The following FRMD6 variants were observed in gnomAD, a reference collection of about 807,000 sequenced individuals.
FRMD6 encodes the protein FERM domain-containing protein 6.
Under a neutral mutation model 73.2 loss-of-function variants are expected in FRMD6, and 37 were observed. The ratio of observed to expected loss-of-function variants is 0.51; its 90% CI spans 0.39 to 0.66. The LOEUF is 0.66. Ranked by LOEUF, FRMD6 falls within the 30% of genes least tolerant of loss-of-function variation. FRMD6 has a pLI of 0.00. For synonymous variants in FRMD6, 273 were observed against 282.2 expected (o/e 0.97, Z 0.33); for missense variants, 714 against 780.5 (o/e 0.91, Z 1.02).
At chr14:51,606,048 T>A (rs548181015) in intron 2 of FRMD6, among the ~76,000 whole-genome samples, 1 of 152,304 alleles carries the variant, frequency 6.6e-6, no homozygotes, top group East Asian at 1.9e-4. Context: ...AGAGAAAGTG[T>A]GTTCTCTCCA....
At chr14:51,683,552 G>C (rs1377089559) in intron 1 of FRMD6, among the ~76,000 whole-genome samples, 1 of 151,962 alleles carries the variant, frequency 6.6e-6, no homozygotes, top group Admixed American at 6.6e-5. Context: ...GCCTCTCAAG[G>C]TGCTGGGATT....
chr14:51,612,070 T>C (rs1340274344), intron 2 of FRMD6, among the ~76,000 whole-genome samples: 5 of 152,238 alleles, frequency 3.3e-5, no homozygotes, highest in African/African-American at 1.2e-4. Context: ...AGTTTTCTAG[T>C]ATTCCATAAT....
chr14:51,396,851 A>T, the FRMD6 span: 1 of 152,200 alleles, frequency 6.6e-6, no homozygotes, highest in South Asian at 2.1e-4. Flanking sequence ...TAGCCAGAAC[A>T]ACCTCCTTTT....
chr14:51,567,738 G>A (rs1015114065), intron 1 of FRMD6, among the ~76,000 whole-genome samples: 2 of 152,216 alleles, frequency 1.3e-5, no homozygotes, highest in African/African-American at 4.8e-5. Flanking sequence ...ACATCTGTAA[G>A]GTCTGTACTG....
chr14:51,612,364 TATC>T (rs1432087070), intron 2 of FRMD6, among the ~76,000 whole-genome samples: 1 of 152,222 alleles, frequency 6.6e-6, no homozygotes, highest in Non-Finnish European at 1.5e-5. Flanking sequence ...GTACAAAATA[TATC>T]ATCATTGCTT....
intron 1 of FRMD6, among the ~76,000 whole-genome samples, chr14:51,517,030 A>C (rs1160915769): frequency 6.6e-6 from 1 of 152,196 alleles, no homozygotes; most frequent in Non-Finnish European, 1.5e-5. Context: ...TGTCATTTTC[A>C]ATTCCCTTTA....
At chr14:51,648,595 T>C (rs192945817), upstream of FRMD6, among the ~76,000 whole-genome samples, 147 of 152,342 alleles carry the variant, frequency 9.6e-4, no homozygotes, top group Non-Finnish European at 1.2e-3. Flanking sequence ...TATCCTTCCC[T>C]TCTCAGTTCA....
At position 51,720,446 on chromosome 14, in the gene FRMD6, A is replaced by G. The variant is rs111798496; in HGVS notation, c.1360+56A>G. On this transcript the variant is annotated intron_variant, in intron 11 of 13. Coordinates refer to ENST00000344768, the MANE Select transcript of FRMD6 (RefSeq NM_001267046.2). Reference sequence around the variant, plus strand: ...GTTTAGTCTCCCAGTTTTTTCAAGCATTGGTTCTATAGAACTGGTGTCTGG... The same window carrying G: ...GTTTAGTCTCCCAGTTTTTTCAAGCGTTGGTTCTATAGAACTGGTGTCTGG... 763 of 1,529,604 alleles carry G rather than the reference A, an allele frequency of 5.0e-4. 2 individuals carry two copies. The highest frequency in any genetic ancestry group is 4.0e-3 in the African/African-American group (291 of 73,228). 94.8% of individuals were successfully genotyped at this position (1,529,604 alleles called of 1,614,324 possible). A position where few individuals can be genotyped will look rare whatever the true frequency, so the allele number is the denominator to read the frequency against.
At chr14:51,464,010 A>G in the FRMD6 span, among the ~76,000 whole-genome samples, 27 of 152,062 alleles carry the variant, frequency 1.8e-4, no homozygotes, top group Non-Finnish European at 2.2e-4. Context: ...GGGTTTCGCT[A>G]TGTTGCCCAG....
chr14:51,558,063 T>A (rs1452052033), intron 1 of FRMD6, among the ~76,000 whole-genome samples: 4 of 152,260 alleles, frequency 2.6e-5, no homozygotes, highest in African/African-American at 4.8e-5. Flanking sequence ...GTTAATAATT[T>A]GTTTACAATT....
In FRMD6 at chr14:51,549,642, C is replaced by T. The variant is rs1263939665; in HGVS notation, c.-209-20706C>T. On this transcript the variant is annotated intron_variant, in intron 1 of 14. Transcript: ENST00000356218. Reference sequence around the variant, plus strand: ...AGACAGAGTCTCGCTGTCGCCCGGGCTGGAGTGCAGTGGCGCACTCTCAGC... The same window carrying T: ...AGACAGAGTCTCGCTGTCGCCCGGGTTGGAGTGCAGTGGCGCACTCTCAGC... Among the ~76,000 whole-genome samples, 4 of 121,292 alleles carry T rather than the reference C, an allele frequency of 3.3e-5. No homozygotes were observed. In the East Asian group the frequency reaches 7.1e-4, roughly 22 times the overall value. The allele number at this position is 121,292 out of a possible 152,430, so 79.6% of individuals were successfully genotyped here.
At chr14:51,412,306 T>G in the FRMD6 span, among the ~76,000 whole-genome samples, 1 of 152,194 alleles carries the variant, frequency 6.6e-6, no homozygotes, top group African/African-American at 2.4e-5. Flanking sequence ...GATAATTTTG[T>G]TTGGACTGTC....
At chr14:51,397,912 T>C in the FRMD6 span, among the ~76,000 whole-genome samples, 3 of 152,328 alleles carry the variant, frequency 2.0e-5, no homozygotes, top group East Asian at 1.9e-4. Context: ...TCAAGGTATA[T>C]AGTCAAATAT....
intron 8 of FRMD6, among the ~76,000 whole-genome samples, 166 bp from the exon 9 acceptor site, chr14:51,712,317 T>A (rs200961991): frequency 6.6e-6 from 1 of 152,182 alleles, no homozygotes; most frequent in East Asian, 1.9e-4. Context: ...AGCCACAGAA[T>A]TGTTATCATG....
At chr14:51,463,187 A>G in the FRMD6 span, among the ~76,000 whole-genome samples, 1 of 152,234 alleles carries the variant, frequency 6.6e-6, no homozygotes, top group Non-Finnish European at 1.5e-5. Flanking sequence ...TCACTCAGGT[A>G]GCCATTCACT....
At chr14:51,489,952 G>A (rs964499110) in intron 1 of FRMD6, among the ~76,000 whole-genome samples, 5 of 152,156 alleles carry the variant, frequency 3.3e-5, no homozygotes, top group African/African-American at 7.2e-5. Flanking sequence ...AGTAGGTGTC[G>A]GTTACATTAG....
chr14:51,714,550 G>A (rs1297496778), intron 9 of FRMD6: 2 of 152,154 alleles, frequency 1.3e-5, no homozygotes, highest in Non-Finnish European at 2.9e-5. Flanking sequence ...CTTTGTCAAA[G>A]CCTTGCCCTC....
chr14:51,613,874 A>T (rs1044694424), intron 2 of FRMD6, among the ~76,000 whole-genome samples: 1 of 152,130 alleles, frequency 6.6e-6, no homozygotes, highest in African/African-American at 2.4e-5. Flanking sequence ...TTAACAATAT[A>T]TTTTATTTAG....
intron 2 of FRMD6, among the ~76,000 whole-genome samples, chr14:51,596,652 G>A (rs1408922550): frequency 6.6e-6 from 1 of 152,152 alleles, no homozygotes; most frequent in Non-Finnish European, 1.5e-5. Context: ...GAGTCTCAAG[G>A]CTCATGGTTA....
Sources: gnomAD v4.1 joint callset for allele counts (sites outside exome capture counted in the v4.1 genomes callset) on GRCh38, gnomAD v4.1.1 for gene constraint, MANE v1.5 for transcripts, NCBI Gene and HGNC (gene_info 2026-07-23, HGNC 2026-07-21) for gene names.